PHF20: variants seen among roughly 807,000 people sequenced by gnomAD.
The protein encoded by PHF20 is glioma-expressed antigen 2.
Under a neutral mutation model 113.5 loss-of-function variants are expected in PHF20, and 23 were observed. The ratio of observed to expected loss-of-function variants is 0.20; its 90% CI spans 0.15 to 0.29. PHF20 has a LOEUF of 0.29. PHF20 is among the 10% of genes least tolerant of loss of function. The pLI is 1.00. For synonymous variants in PHF20, 434 were observed against 457.3 expected, an observed-to-expected ratio of 0.95 and a Z score of 0.65; for missense variants, 943 against 1,219.6, an observed-to-expected ratio of 0.77 and a Z score of 3.38.
intron 4 of PHF20, 48 bp downstream of exon 4, chr20:35,847,482 G>T (rs1052765238): frequency 6.9e-6 from 8 of 1,164,140 alleles, no homozygotes; most frequent in Non-Finnish European, 1.0e-5. Context: ...TTAGGTGGTG[G>T]GGGGGGATGT....
intron 2 of PHF20, among the ~76,000 whole-genome samples, chr20:35,809,638 C>T (rs570831241): frequency 1.3e-5 from 2 of 148,710 alleles, no homozygotes; most frequent in African/African-American, 2.5e-5. Flanking sequence ...AATCCCAGCA[C>T]TTTGGGAGGG....
At chr20:35,852,876 C>T (rs1311106677) in intron 4 of PHF20, among the ~76,000 whole-genome samples, 2 of 150,576 alleles carry the variant, frequency 1.3e-5, no homozygotes, top group Non-Finnish European at 3.0e-5. Context: ...GAATTACAGG[C>T]GTGAGCCACC....
At chr20:35,779,250 T>C (rs1041996418) in intron 1 of PHF20, among the ~76,000 whole-genome samples, 1 of 152,086 alleles carries the variant, frequency 6.6e-6, no homozygotes, top group Non-Finnish European at 1.5e-5. Context: ...TTGGCCAGGC[T>C]GGTCTCGAAC....
intron 9 of PHF20, among the ~76,000 whole-genome samples, chr20:35,874,960 C>G (rs929480181): frequency 2.0e-5 from 3 of 152,134 alleles, no homozygotes; most frequent in Non-Finnish European, 4.4e-5. Flanking sequence ...ATTAGCCTGG[C>G]ATGATGGTTC....
intron 3 of PHF20, among the ~76,000 whole-genome samples, chr20:35,846,682 T>C (rs1243086792): frequency 1.3e-5 from 2 of 152,164 alleles, no homozygotes; most frequent in African/African-American, 2.4e-5. Context: ...GAATGTATGC[T>C]GGTTAGGGTG....
chr20:35,933,128 A>G (rs559025330), intron 15 of PHF20, among the ~76,000 whole-genome samples: 3 of 148,482 alleles, frequency 2.0e-5, no homozygotes, highest in Non-Finnish European at 3.0e-5. Flanking sequence ...TTAACAAGAG[A>G]TGGAGTCTTG....
At chr20:35,832,271 C>A (rs1005883730) in intron 2 of PHF20, among the ~76,000 whole-genome samples, 1 of 152,156 alleles carries the variant, frequency 6.6e-6, no homozygotes, top group Non-Finnish European at 1.5e-5. Context: ...TCTCCCTCTC[C>A]CCTTTTGCAC....
chr20:35,791,683 G>A (rs1011837148), intron 1 of PHF20, among the ~76,000 whole-genome samples: 13 of 151,612 alleles, frequency 8.6e-5, no homozygotes, highest in African/African-American at 3.1e-4. Context: ...CTGGAGGATT[G>A]GAGCTCTGTC....
chr20:35,892,783 G>T (rs1352938296), intron 9 of PHF20, among the ~76,000 whole-genome samples: 1 of 152,086 alleles, frequency 6.6e-6, no homozygotes, highest in Non-Finnish European at 1.5e-5. Flanking sequence ...TTCCAGCAGT[G>T]CAGGGTAGAT....
intron 9 of PHF20, among the ~76,000 whole-genome samples, chr20:35,881,156 T>C (rs1444080685): frequency 4.1e-5 from 6 of 147,906 alleles, no homozygotes; most frequent in Non-Finnish European, 7.4e-5. Flanking sequence ...CTCCTGGGTT[T>C]AAGAGATTCT....
chr20:35,811,096 G>A (rs577896784), intron 2 of PHF20, among the ~76,000 whole-genome samples: 32 of 152,190 alleles, frequency 2.1e-4, no homozygotes, highest in Admixed American at 1.6e-3. Context: ...CGCCAGGCTG[G>A]AGTGCAGTGG....
At chr20:35,847,765 T>G (rs2042648934) in intron 4 of PHF20, among the ~76,000 whole-genome samples, 1 of 152,172 alleles carries the variant, frequency 6.6e-6, no homozygotes, top group Admixed American at 6.5e-5. Flanking sequence ...TGAATATTTG[T>G]GAATAGCTTA....
chr20:35,891,417 AT>A (rs1212019497), intron 9 of PHF20, among the ~76,000 whole-genome samples: 2 of 151,872 alleles, frequency 1.3e-5, no homozygotes, highest in African/African-American at 4.8e-5. Flanking sequence ...GTATTTCAAC[AT>A]TTTAGAAAAA....
chr20:35,904,394 C>T (rs1450048404), intron 10 of PHF20, among the ~76,000 whole-genome samples: 1 of 149,238 alleles, frequency 6.7e-6, no homozygotes, highest in African/African-American at 2.5e-5. Flanking sequence ...AAGCAATTCT[C>T]CTGCCTCAGC....
At chr20:35,939,428 C>T (rs930938424) in intron 16 of PHF20, among the ~76,000 whole-genome samples, 1 of 152,118 alleles carries the variant, frequency 6.6e-6, no homozygotes, top group African/African-American at 2.4e-5. Flanking sequence ...TTCTTTAAGG[C>T]AGTTTGCATT....
rs576023949 is a variant in PHF20, at chr20:35,829,222, A to G, written c.84-13351A>G. On this transcript the variant is annotated intron_variant, in intron 2 of 17. Transcript: ENST00000374012. ...AGTGCTTTGTGTATATGCTTGTGGT[A>G]AAATACATACAACATAAAATTTAGT... is the stretch of plus-strand genomic sequence containing the variant. Among the ~76,000 whole-genome samples the G allele has an allele frequency of 8.3e-4, 126 of 152,336 alleles. 2 individuals carry two copies. In the South Asian group the frequency reaches 0.02, roughly 24 times the overall value.
chr20:35,893,051 G>A (rs543491627), intron 9 of PHF20, among the ~76,000 whole-genome samples: 29 of 152,322 alleles, frequency 1.9e-4, no homozygotes, highest in East Asian at 7.7e-4. Flanking sequence ...AGGAGCATCC[G>A]TGCTCACTTG....
intron 12 of PHF20, among the ~76,000 whole-genome samples, chr20:35,916,427 A>C (rs1218294691): frequency 6.6e-6 from 1 of 152,176 alleles, no homozygotes; most frequent in Middle Eastern, 3.2e-3. Flanking sequence ...TATCCCTGGA[A>C]TCTTCCTCTT....
chr20:35,785,607 A>G (rs1041865762), intron 1 of PHF20, among the ~76,000 whole-genome samples: 2 of 151,940 alleles, frequency 1.3e-5, no homozygotes, highest in African/African-American at 4.8e-5. Context: ...GGTGTGAGCC[A>G]CCACACCCTG....
Sources: gnomAD v4.1 joint callset for allele counts (sites outside exome capture counted in the v4.1 genomes callset) on GRCh38, gnomAD v4.1.1 for gene constraint, MANE v1.5 for transcripts, NCBI Gene and HGNC (gene_info 2026-07-23, HGNC 2026-07-21) for gene names.